Variants in QTMAN observed in about 807,000 individuals in gnomAD.
QTMAN encodes the protein tRNA-queuosine alpha-mannosyltransferase.
the QTMAN span, among the ~76,000 whole-genome samples, chr2:144,111,770 C>T: frequency 6.6e-6 from 1 of 152,162 alleles, no homozygotes; most frequent in East Asian, 1.9e-4. Flanking sequence ...TGGATCCCTG[C>T]TATATAATAC....
At chr2:144,087,635 A>G in the QTMAN span, among the ~76,000 whole-genome samples, 2 of 152,040 alleles carry the variant, frequency 1.3e-5, no homozygotes, top group Admixed American at 1.3e-4. Flanking sequence ...GGATTTATAC[A>G]ATCAAGAAGG....
chr2:144,070,337 T>C, the QTMAN span, among the ~76,000 whole-genome samples: 3 of 152,268 alleles, frequency 2.0e-5, no homozygotes, highest in African/African-American at 4.8e-5. Flanking sequence ...AGTAGGTGTT[T>C]AGGGACTCTA....
At chr2:144,256,810 A>G in the QTMAN span, among the ~76,000 whole-genome samples, 1 of 152,008 alleles carries the variant, frequency 6.6e-6, no homozygotes, top group Non-Finnish European at 1.5e-5. Flanking sequence ...GCAAACCACC[A>G]TGGCACATGT....
At chr2:143,940,360 C>G in the QTMAN span, 2 of 152,178 alleles carry the variant, frequency 1.3e-5, no homozygotes, top group African/African-American at 4.8e-5. Flanking sequence ...ATGTAATATA[C>G]TTATATTGTA....
At chr2:144,202,059 G>A in the QTMAN span, among the ~76,000 whole-genome samples, 3 of 152,130 alleles carry the variant, frequency 2.0e-5, no homozygotes, top group East Asian at 1.9e-4. Context: ...AGACCAGCAG[G>A]TCCATGATGT....
At chr2:144,168,943 C>T in the QTMAN span, among the ~76,000 whole-genome samples, 2 of 151,768 alleles carry the variant, frequency 1.3e-5, no homozygotes, top group Admixed American at 6.6e-5. Flanking sequence ...TATCGTTCTC[C>T]GTAGAATTAT....
the QTMAN span, chr2:144,007,234 C>A: frequency 6.2e-7 from 1 of 1,611,172 alleles, no homozygotes; most frequent in Non-Finnish European, 8.5e-7. Context: ...TCAACTCCAC[C>A]CAAAATGTCA....
chr2:144,105,786 C>A, the QTMAN span, among the ~76,000 whole-genome samples: 452 of 152,096 alleles, frequency 3.0e-3, 1 homozygote, highest in African/African-American at 0.01. Context: ...AAGAGTAACT[C>A]CAAGACACAT....
chr2:143,949,989 T>G, the QTMAN span, among the ~76,000 whole-genome samples: 1 of 151,738 alleles, frequency 6.6e-6, no homozygotes, highest in African/African-American at 2.4e-5. Context: ...TTTGACTAAT[T>G]TATTAATTTT....
chr2:144,243,702 T>A, the QTMAN span, among the ~76,000 whole-genome samples: 1 of 152,234 alleles, frequency 6.6e-6, no homozygotes, highest in Admixed American at 6.5e-5. Context: ...CTTTAAGTGA[T>A]AATTTATCTG....
At chr2:144,212,636 A>G in the QTMAN span, among the ~76,000 whole-genome samples, 1 of 152,186 alleles carries the variant, frequency 6.6e-6, no homozygotes, top group Admixed American at 6.5e-5. Context: ...TTAAGAAAAG[A>G]GTAAATGGCC....
chr2:144,034,552 G>T, the QTMAN span, among the ~76,000 whole-genome samples: 2 of 152,074 alleles, frequency 1.3e-5, no homozygotes, highest in Admixed American at 1.3e-4. Context: ...ATGGAGGGTT[G>T]CCAGTTACCA....
the QTMAN span, chr2:143,945,268 A>C: frequency 7.2e-5 from 11 of 152,194 alleles, no homozygotes; most frequent in African/African-American, 2.7e-4. Flanking sequence ...TTAGACTGGA[A>C]GGAACTTCCA....
chr2:144,009,981 T>G, the QTMAN span, among the ~76,000 whole-genome samples: 4 of 151,630 alleles, frequency 2.6e-5, no homozygotes, highest in East Asian at 3.9e-4. Flanking sequence ...GTAACCTATT[T>G]GTTTATGTCA....
the QTMAN span, among the ~76,000 whole-genome samples, chr2:144,250,412 A>C: frequency 6.6e-6 from 1 of 152,016 alleles, no homozygotes; most frequent in Non-Finnish European, 1.5e-5. Flanking sequence ...CAAAGTGCTG[A>C]GATTACAAGC....
the QTMAN span, among the ~76,000 whole-genome samples, chr2:144,332,278 C>A: frequency 2.0e-5 from 3 of 150,916 alleles, no homozygotes; most frequent in East Asian, 2.0e-4. Flanking sequence ...TCCCCCACAC[C>A]CCCCGCCCCC....
the QTMAN span, among the ~76,000 whole-genome samples, chr2:144,281,976 CA>C: frequency 2.0e-5 from 3 of 152,150 alleles, no homozygotes; most frequent in Non-Finnish European, 4.4e-5. Flanking sequence ...ACAACTTAAA[CA>C]TTCAAAAGAA....
chr2:144,216,744 T>C, the QTMAN span, among the ~76,000 whole-genome samples: 1 of 152,180 alleles, frequency 6.6e-6, no homozygotes. Context: ...AGAAACAGAA[T>C]AAGCAATTGA....
At chr2:144,287,423 A>G in the QTMAN span, among the ~76,000 whole-genome samples, 1 of 150,166 alleles carries the variant, frequency 6.7e-6, no homozygotes, top group Non-Finnish European at 1.5e-5. Context: ...TGGGCGACAG[A>G]GCAAGACTCT....
Sources: allele counts gnomAD v4.1 joint callset (sites outside exome capture counted in the v4.1 genomes callset), GRCh38; gene constraint gnomAD v4.1.1; transcripts MANE v1.5; gene names NCBI Gene and HGNC (gene_info 2026-07-23, HGNC 2026-07-21).